Variants in NCOR2 observed in about 807,000 individuals in gnomAD.
NCOR2 encodes CTG repeat protein 26.
NCOR2 carries 81 observed loss-of-function variants against 262.9 expected under a neutral mutation model. That is an observed-to-expected ratio of 0.31 (90% CI 0.26 to 0.37). The LOEUF (loss-of-function observed/expected upper bound fraction) is 0.37, where lower values mean the gene tolerates loss of function less well. NCOR2 is among the 10% of genes least tolerant of loss of function. NCOR2 has a pLI of 1.00. For missense variants in NCOR2, 3,385 were observed against 3,621.4 expected (o/e 0.93, Z 1.68); for synonymous variants, 1,659 against 1,559.3 (o/e 1.06, Z -1.51).
chr12:124,420,771 C>G (rs527790413), intron 12 of NCOR2, among the ~76,000 whole-genome samples: 2 of 152,226 alleles, frequency 1.3e-5, no homozygotes. Flanking sequence ...CACAGCCGTT[C>G]CCCTTACAAT....
intron 11 of NCOR2, among the ~76,000 whole-genome samples, chr12:124,423,182 C>G (rs1029250455): frequency 1.3e-5 from 2 of 152,206 alleles, no homozygotes; most frequent in Non-Finnish European, 2.9e-5. Context: ...ACCACTGGGC[C>G]CAGGCTGAAA....
chr12:124,488,199 A>G (rs980051585), intron 1 of NCOR2, among the ~76,000 whole-genome samples: 5 of 152,202 alleles, frequency 3.3e-5, no homozygotes, highest in African/African-American at 4.8e-5. Flanking sequence ...TTGATAATGT[A>G]TCTGTTGCAG....
Position 124,362,167 on chromosome 12 carries a change from C to T in NCOR2, c.3059G>A (p.Arg1020Gln), listed in dbSNP as rs371445558. The T allele has an allele frequency of 1.2e-4, 151 of 1,308,400 alleles. No individual in the cohort carries two copies. Among genetic ancestry groups the T allele is most frequent in the Middle Eastern group, 2.7e-4 (1 of 3,710 alleles). 81.0% of individuals were successfully genotyped at this position (1,308,400 alleles called of 1,614,324 possible). A position where few individuals can be genotyped will look rare whatever the true frequency, so the allele number is the denominator to read the frequency against. Reference sequence around the variant, plus strand: ...GGGTGCCGGGCTCCTGCTCTTGCCCCGGGGGCTGCTGCCAGGCTGCTGAGG... The same window carrying T: ...GGGTGCCGGGCTCCTGCTCTTGCCCTGGGGGCTGCTGCCAGGCTGCTGAGG... Residue 1020 changes from arginine (R) to glutamine (Q), a missense_variant, in exon 22 of 47, where the codon CGG becomes CAG. Around this residue, in one of 5 missense-constraint regions of NCOR2, gnomAD observed 1,615 missense variants for 1,626.9 expected, o/e 0.99. Transcript: ENST00000405201.
intron 11 of NCOR2, among the ~76,000 whole-genome samples, chr12:124,422,777 G>C (rs558842053): frequency 1.3e-5 from 2 of 152,366 alleles, no homozygotes; most frequent in South Asian, 4.1e-4. Flanking sequence ...GTGAGTCACT[G>C]GCTTTAGCGC....
At chr12:124,336,194 C>T (rs1388886651) in intron 38 of NCOR2, 5 of 163,798 alleles carry the variant, frequency 3.1e-5, no homozygotes, top group Middle Eastern at 2.9e-3. Flanking sequence ...TCCTCGACAG[C>T]GCAGGTCCCT....
intron 28 of NCOR2, chr12:124,349,022 T>A (rs3782245): frequency 0.35 from 52,573 of 152,244 alleles, 9,648 homozygotes; most frequent in East Asian, 0.47. Flanking sequence ...CGGCTTTGTA[T>A]GTATACACGT....
upstream of NCOR2, chr12:124,539,328 T>C (rs1461025332): frequency 6.5e-6 from 1 of 152,712 alleles, no homozygotes; most frequent in East Asian, 1.9e-4. The surrounding 1 kb of genome is among the most constrained non-coding windows in gnomAD (Gnocchi z 5.1). Context: ...CGGTTCACAC[T>C]CACCGGCTCG....
chr12:124,347,480 T>G (rs2037032693), intron 30 of NCOR2: 1 of 273,296 alleles, frequency 3.7e-6, no homozygotes, highest in South Asian at 1.0e-4. Context: ...GAAAGAGTTC[T>G]CGGAGCTCTC....
At chr12:124,533,436 A>AC (rs1382836028) in intron 1 of NCOR2, among the ~76,000 whole-genome samples, 1 of 151,694 alleles carries the variant, frequency 6.6e-6, no homozygotes. Context: ...AGGGAGGCCT[A>AC]CCCTGACCCC....
At chr12:124,453,830 G>A (rs1289164725) in intron 6 of NCOR2, among the ~76,000 whole-genome samples, 3 of 152,232 alleles carry the variant, frequency 2.0e-5, no homozygotes, top group African/African-American at 7.2e-5. Context: ...GAGGGGCCGT[G>A]CCCCACCATC....
chr12:124,424,355 G>A (rs1461011502), intron 11 of NCOR2, among the ~76,000 whole-genome samples: 7 of 152,078 alleles, frequency 4.6e-5, no homozygotes, highest in Admixed American at 6.5e-5. Context: ...AGAAGCATTC[G>A]ACGGAGACTT....
intron 18 of NCOR2, among the ~76,000 whole-genome samples, chr12:124,376,394 C>T (rs1009418667): frequency 1.3e-5 from 2 of 152,262 alleles, no homozygotes; most frequent in Non-Finnish European, 2.9e-5. Context: ...CCCACCAAGC[C>T]TGCATCCCGC....
rs371730972 is a variant in NCOR2, at chr12:124,495,154, G to A, written c.98C>T (p.Thr33Met). The A allele has an allele frequency of 5.3e-5, 85 of 1,613,838 alleles. No individual in the cohort carries two copies. Among genetic ancestry groups the A allele is most frequent in the East Asian group, 1.1e-4 (5 of 44,882 alleles). The stretch of plus-strand genomic sequence containing the variant: ...ACATGTGCACCCCCTTACCGTGTGC[G>A]TCCGGGCGATCTGCACTGGGTAGGA... Residue 33 changes from threonine to methionine, a missense_variant, in exon 1 of 47, where the codon ACG (threonine) becomes ATG (methionine). Transcript: ENST00000405201. This position sits in a 1 kb window ranked among gnomAD's most constrained non-coding sequence, Gnocchi z 4.4.
At chr12:124,556,087 A>C (rs906272429) in intron 1 of NCOR2, 3 of 152,214 alleles carry the variant, frequency 2.0e-5, no homozygotes, top group African/African-American at 7.2e-5. Flanking sequence ...GTTCTCCCAC[A>C]CCCTGGCCAC....
intron 1 of NCOR2, among the ~76,000 whole-genome samples, chr12:124,519,111 C>T (rs1233978414): frequency 6.6e-6 from 1 of 151,026 alleles, no homozygotes; most frequent in Non-Finnish European, 1.5e-5. Flanking sequence ...CACACACACA[C>T]ACACACACAC....
intron 1 of NCOR2, among the ~76,000 whole-genome samples, chr12:124,500,547 T>C (rs1397227664): frequency 1.3e-5 from 2 of 152,202 alleles, no homozygotes; most frequent in Non-Finnish European, 2.9e-5. Context: ...TTCTGGTGCC[T>C]GGCACACAGT....
chr12:124,364,658 TTCTA>T (rs961724411), intron 20 of NCOR2, among the ~76,000 whole-genome samples: 6 of 152,186 alleles, frequency 3.9e-5, no homozygotes, highest in Admixed American at 3.9e-4. Context: ...CTTCCAGGAT[TTCTA>T]AGTCCCCAGC....
At chr12:124,325,374 A>ACTGCCC in exon 47 of NCOR2, 1 of 316,298 alleles carries the variant, frequency 3.2e-6, no homozygotes, top group East Asian at 5.9e-5. Flanking sequence ...GGGACCTGAC[A>ACTGCCC]CCGCCCCCCC....
At chr12:124,337,335 G>T (rs139726246) in intron 37 of NCOR2, 155 bp from the exon 40 acceptor site, 1 of 888,824 alleles carries the variant, frequency 1.1e-6, no homozygotes, top group East Asian at 2.6e-5. Flanking sequence ...GACTCTGTGC[G>T]TCATGGTTTG....
Sources: allele counts gnomAD v4.1 joint callset (sites outside exome capture counted in the v4.1 genomes callset), GRCh38; gene constraint gnomAD v4.1.1; regional missense constraint gnomAD v4.1.1; non-coding constraint Gnocchi (gnomAD v3.1); transcripts MANE v1.5; gene names NCBI Gene and HGNC (gene_info 2026-07-23, HGNC 2026-07-21).